The following RMDN2 variants were observed in gnomAD, a reference collection of about 807,000 sequenced individuals.
The protein encoded by RMDN2 is regulator of microtubule dynamics protein 2.
A neutral mutation model predicts 52.8 loss-of-function variants in RMDN2; 61 were observed. The ratio of observed to expected loss-of-function variants is 1.16; its 90% CI spans 0.94 to 1.43. The LOEUF (loss-of-function observed/expected upper bound fraction) is 1.43. Ranked by LOEUF, RMDN2 falls within the 40% of genes most tolerant of loss-of-function variation. The pLI is 0.00. For synonymous variants in RMDN2, 180 were observed against 153.1 expected (o/e 1.18, Z -1.30); for missense variants, 592 against 475.3 (o/e 1.25, Z -2.28).
At chr2:37,968,602 C>G (rs1671396561) in intron 2 of RMDN2, among the ~76,000 whole-genome samples, 1 of 152,116 alleles carries the variant, frequency 6.6e-6, no homozygotes, top group Admixed American at 6.5e-5. Flanking sequence ...AATAATGCAA[C>G]TCTGCTTTCA....
chr2:38,004,429 A>G (rs576278909), intron 10 of RMDN2, among the ~76,000 whole-genome samples: 1 of 152,234 alleles, frequency 6.6e-6, no homozygotes, highest in Non-Finnish European at 1.5e-5. Flanking sequence ...GACTACCACA[A>G]TCAAGCTAAT....
chr2:38,019,788 G>T (rs928986874), downstream of RMDN2, among the ~76,000 whole-genome samples: 30 of 152,072 alleles, frequency 2.0e-4, no homozygotes, highest in African/African-American at 5.8e-4. Context: ...AGCTGAGCGT[G>T]GTGGTGCATG....
chr2:38,012,548 G>T (rs1189221014), intron 10 of RMDN2: 4 of 462,276 alleles, frequency 8.7e-6, no homozygotes, highest in Non-Finnish European at 1.8e-5. Flanking sequence ...AAGTATTTCT[G>T]TAATAAGCAA....
chr2:37,926,981 G>A (rs1005230268), intron 1 of RMDN2, among the ~76,000 whole-genome samples: 5 of 151,826 alleles, frequency 3.3e-5, no homozygotes, highest in African/African-American at 4.8e-5. Context: ...AAATTATTCT[G>A]AAGGCAAGCA....
At chr2:38,008,866 T>C (rs543173411) in intron 10 of RMDN2, among the ~76,000 whole-genome samples, 171 of 152,318 alleles carry the variant, frequency 1.1e-3, no homozygotes, top group Admixed American at 0.01. Flanking sequence ...CCATGTTGAG[T>C]GCTTCCTTCA....
intron 10 of RMDN2, among the ~76,000 whole-genome samples, chr2:38,008,937 G>A (rs991399021): frequency 2.6e-5 from 4 of 152,064 alleles, no homozygotes; most frequent in African/African-American, 9.7e-5. Context: ...TCGTCTGTAA[G>A]GGATTTTATT....
intron 10 of RMDN2, among the ~76,000 whole-genome samples, chr2:38,013,141 TA>T (rs1193451403): frequency 6.6e-6 from 1 of 152,198 alleles, no homozygotes; most frequent in African/African-American, 2.4e-5. Flanking sequence ...ATTTCTTTTT[TA>T]AAAAAGGGAT....
At chr2:37,925,054 C>G (rs1020343415), upstream of RMDN2, among the ~76,000 whole-genome samples, 9 of 152,126 alleles carry the variant, frequency 5.9e-5, no homozygotes, top group Non-Finnish European at 8.8e-5. Flanking sequence ...CGCGCTGGGG[C>G]TAGCGCGGAG....
At chr2:37,968,333 G>T (rs1671342526) in intron 2 of RMDN2, among the ~76,000 whole-genome samples, 1 of 52,042 alleles carries the variant, frequency 1.9e-5, no homozygotes, top group Non-Finnish European at 3.2e-5. Context: ...ATCCCAGCTT[G>T]GGGGGCTGAG....
intron 2 of RMDN2, among the ~76,000 whole-genome samples, chr2:37,956,642 T>G (rs765676693): frequency 6.6e-6 from 1 of 151,852 alleles, no homozygotes; most frequent in Non-Finnish European, 1.5e-5. Context: ...GACATTACCT[T>G]CTTTTTTTTT....
At chr2:37,952,483 A>C in intron 2 of RMDN2, 1 of 477,690 alleles carries the variant, frequency 2.1e-6, no homozygotes, top group Non-Finnish European at 3.7e-6. Context: ...TTTCTGAGTG[A>C]CTATTATAAT....
intron 8 of RMDN2, 60 bp downstream of exon 8, chr2:37,997,574 G>C: frequency 9.3e-7 from 1 of 1,073,784 alleles, no homozygotes; most frequent in African/African-American, 1.6e-5. Flanking sequence ...ACCAATCCCT[G>C]CTGCCGTTGT....
At chr2:37,974,236 C>G in intron 3 of RMDN2, 22 bp downstream of exon 3, 1 of 1,534,514 alleles carries the variant, frequency 6.5e-7, no homozygotes, top group Non-Finnish European at 8.9e-7. Flanking sequence ...AACAATAGCA[C>G]TTCGTATAGT....
intron 8 of RMDN2, among the ~76,000 whole-genome samples, chr2:38,003,548 A>T (rs1407107542): frequency 9.2e-6 from 1 of 108,578 alleles, no homozygotes; most frequent in African/African-American, 4.0e-5. Context: ...GCAAGACCTG[A>T]TAGATAGATA....
chr2:37,937,512 A>G (rs895361050), intron 2 of RMDN2, among the ~76,000 whole-genome samples: 1 of 152,150 alleles, frequency 6.6e-6, no homozygotes, highest in African/African-American at 2.4e-5. Flanking sequence ...CACAATATTG[A>G]TTCTTCCTAT....
At chr2:37,946,144 A>G (rs778040792) in intron 2 of RMDN2, among the ~76,000 whole-genome samples, 14 of 152,234 alleles carry the variant, frequency 9.2e-5, no homozygotes, top group Non-Finnish European at 1.9e-4. Context: ...TAATAGCGTT[A>G]TAGAACTGAA....
chr2:37,927,108 TTTAA>T (rs1666344439), intron 1 of RMDN2, among the ~76,000 whole-genome samples: 1 of 152,254 alleles, frequency 6.6e-6, no homozygotes, highest in Non-Finnish European at 1.5e-5. Context: ...ACTGTTAGTC[TTTAA>T]TTGTGTTTGT....
intron 2 of RMDN2, among the ~76,000 whole-genome samples, chr2:37,968,113 A>G (rs967320062): frequency 2.0e-5 from 3 of 152,200 alleles, no homozygotes; most frequent in African/African-American, 4.8e-5. Flanking sequence ...GTCTCCCACA[A>G]AGATATTTCA....
intron 2 of RMDN2, among the ~76,000 whole-genome samples, chr2:37,931,136 A>C (rs1666705559): frequency 6.6e-6 from 1 of 152,138 alleles, no homozygotes; most frequent in Non-Finnish European, 1.5e-5. Context: ...TTGTTCAAGA[A>C]CACAAATTTT....
Sources: gnomAD v4.1 joint callset for allele counts (sites outside exome capture counted in the v4.1 genomes callset) on GRCh38, gnomAD v4.1.1 for gene constraint, MANE v1.5 for transcripts, NCBI Gene and HGNC (gene_info 2026-07-23, HGNC 2026-07-21) for gene names.